PID1: variants seen among roughly 807,000 people sequenced by gnomAD.
PID1 encodes the protein PTB-containing, cubilin and LRP1-interacting protein.
Under a neutral mutation model 19.1 loss-of-function variants are expected in PID1, and 10 were observed. That is an observed-to-expected ratio of 0.52 (90% CI 0.32 to 0.89). The LOEUF is 0.89. PID1 is among the 40% of genes least tolerant of loss of function. The pLI is 0.03. For missense variants in PID1, 248 were observed against 285.3 expected, an observed-to-expected ratio of 0.87 and a Z score of 0.94; for synonymous variants, 130 against 116.0, an observed-to-expected ratio of 1.12 and a Z score of -0.78.
chr2:229,223,193 C>A (rs1692010082), intron 1 of PID1, among the ~76,000 whole-genome samples: 1 of 152,070 alleles, frequency 6.6e-6, no homozygotes, highest in Non-Finnish European at 1.5e-5. Flanking sequence ...TGCCACCATA[C>A]CAAGGGCCTA....
intron 2 of PID1, among the ~76,000 whole-genome samples, chr2:229,107,761 T>C (rs972620324): frequency 6.6e-6 from 1 of 152,154 alleles, no homozygotes; most frequent in Non-Finnish European, 1.5e-5. Flanking sequence ...TACAAACGCG[T>C]CTCTACTCTA....
At chr2:229,142,031 A>T (rs1690025433) in intron 2 of PID1, among the ~76,000 whole-genome samples, 1 of 152,070 alleles carries the variant, frequency 6.6e-6, no homozygotes, top group Non-Finnish European at 1.5e-5. Flanking sequence ...CTTCATATTT[A>T]AAAGAGGATT....
At chr2:229,056,956 C>T (rs2106189304) in intron 2 of PID1, among the ~76,000 whole-genome samples, 1 of 152,194 alleles carries the variant, frequency 6.6e-6, no homozygotes, top group African/African-American at 2.4e-5. Flanking sequence ...TCGGCTTTAC[C>T]TGACATAGTA....
intron 2 of PID1, among the ~76,000 whole-genome samples, chr2:229,107,758 G>A (rs984869149): frequency 3.3e-5 from 5 of 152,100 alleles, no homozygotes; most frequent in South Asian, 2.1e-4. Flanking sequence ...GCATACAAAC[G>A]CGTCTCTACT....
intron 2 of PID1, among the ~76,000 whole-genome samples, chr2:229,102,325 A>C (rs184335010): frequency 1.3e-5 from 2 of 152,350 alleles, no homozygotes; most frequent in East Asian, 3.9e-4. Context: ...ATAAAAAAAA[A>C]AAGTAAACAA....
At chr2:229,190,134 T>C (rs1440900136) in intron 1 of PID1, among the ~76,000 whole-genome samples, 1 of 152,218 alleles carries the variant, frequency 6.6e-6, no homozygotes, top group Non-Finnish European at 1.5e-5. Context: ...TCCTTCTGGT[T>C]ATGGCAAGTG....
At chr2:229,219,981 A>G (rs1691930846) in intron 1 of PID1, among the ~76,000 whole-genome samples, 1 of 152,022 alleles carries the variant, frequency 6.6e-6, no homozygotes, top group African/African-American at 2.4e-5. Context: ...TATGTGATCG[A>G]CTGTAAATTC....
At chr2:229,044,972 TA>T (rs974571057) in intron 2 of PID1, among the ~76,000 whole-genome samples, 2 of 152,148 alleles carry the variant, frequency 1.3e-5, no homozygotes, top group Non-Finnish European at 2.9e-5. Context: ...GTTTTTTTTT[TA>T]GATGGAGTCT....
Position 229,025,697 on chromosome 2 carries a change from C to G in PID1, c.589G>C (p.Gly197Arg). 3 of 1,614,172 alleles carry G rather than the reference C, an allele frequency of 1.9e-6. No homozygotes were observed. The highest frequency in any genetic ancestry group is 2.5e-6 in the Non-Finnish European group (3 of 1,180,004). Residue 197 changes from glycine (G) to arginine (R), a missense_variant, in exon 3 of 3, where the codon GGG becomes CGG. Transcript: ENST00000392055. ...GAGGAGCTGTTGCTGTGGATCCGCC[C>G]GTCGCTCTTCATACTGTGGAAAGTC... is the stretch of plus-strand genomic sequence containing the variant. ...RKTFHSMKSD[G>R]RIHSNSSSEE...
chr2:229,269,076 G>C (rs1048867084), intron 1 of PID1, among the ~76,000 whole-genome samples: 6 of 152,186 alleles, frequency 3.9e-5, no homozygotes, highest in African/African-American at 9.7e-5. Context: ...TGAGATGTAT[G>C]TACTTTCAAA....
chr2:229,190,940 C>T (rs546964180), intron 1 of PID1, among the ~76,000 whole-genome samples: 70 of 152,196 alleles, frequency 4.6e-4, no homozygotes, highest in Non-Finnish European at 9.1e-4. Flanking sequence ...GTGTAAACCA[C>T]AGATAAAACA....
intron 2 of PID1, among the ~76,000 whole-genome samples, chr2:229,098,794 T>C (rs982687891): frequency 6.6e-6 from 1 of 152,240 alleles, no homozygotes. Flanking sequence ...ACAGATTTCA[T>C]GTTCAGAGCA....
intron 1 of PID1, chr2:229,231,940 G>A: frequency 6.4e-7 from 1 of 1,550,464 alleles, no homozygotes; most frequent in Admixed American, 2.0e-5. Flanking sequence ...CCGGAGGCTA[G>A]GAAGATCATG....
At chr2:229,113,106 T>C (rs1450397096) in intron 2 of PID1, among the ~76,000 whole-genome samples, 2 of 152,088 alleles carry the variant, frequency 1.3e-5, no homozygotes, top group Admixed American at 1.3e-4. Flanking sequence ...GGAAATTTGA[T>C]TTAGTGCACT....
intron 1 of PID1, among the ~76,000 whole-genome samples, chr2:229,205,000 C>T (rs1325095347): frequency 6.6e-6 from 1 of 152,068 alleles, no homozygotes; most frequent in East Asian, 1.9e-4. Context: ...TCAAGAAAAA[C>T]TTGACTTAGC....
At chr2:229,162,717 T>G (rs1690514756) in intron 1 of PID1, among the ~76,000 whole-genome samples, 4 of 152,212 alleles carry the variant, frequency 2.6e-5, no homozygotes, top group Admixed American at 2.6e-4. Flanking sequence ...TGCTTCATTT[T>G]ATTACTTTGG....
At chr2:229,047,762 G>A (rs1327308610) in intron 2 of PID1, among the ~76,000 whole-genome samples, 3 of 152,092 alleles carry the variant, frequency 2.0e-5, no homozygotes, top group Admixed American at 2.0e-4. Flanking sequence ...CAGGCAGTTC[G>A]GAATCAAAGC....
chr2:229,096,512 A>G (rs1187157274), intron 2 of PID1, among the ~76,000 whole-genome samples: 1 of 152,184 alleles, frequency 6.6e-6, no homozygotes, highest in African/African-American at 2.4e-5. Context: ...AAGCTTGACC[A>G]TGTGACATAA....
At chr2:229,188,262 ACAGTGT>A (rs1295620406) in intron 1 of PID1, among the ~76,000 whole-genome samples, 1 of 151,892 alleles carries the variant, frequency 6.6e-6, no homozygotes, top group Non-Finnish European at 1.5e-5. Context: ...CTATGGTCTA[ACAGTGT>A]CATGACAAAT....
Sources: gnomAD v4.1 joint callset for allele counts (sites outside exome capture counted in the v4.1 genomes callset) on GRCh38, gnomAD v4.1.1 for gene constraint, MANE v1.5 for transcripts, NCBI Gene and HGNC (gene_info 2026-07-23, HGNC 2026-07-21) for gene names.